The following ERICH6B variants were observed in gnomAD, a reference collection of about 807,000 sequenced individuals.
ERICH6B encodes glutamate-rich protein 6B.
In ERICH6B, 69 loss-of-function variants were observed where a neutral mutation model predicts 80.0. That is an observed-to-expected ratio of 0.86 (90% CI 0.71 to 1.05). ERICH6B has a LOEUF of 1.05. Ranked by LOEUF, ERICH6B falls within the 50% of genes least tolerant of loss-of-function variation. The pLI is 0.00. For missense variants in ERICH6B, 754 were observed against 796.1 expected (o/e 0.95, Z 0.64); for synonymous variants, 283 against 291.9 (o/e 0.97, Z 0.31).
chr13:45,578,442 G>A (rs1875515811), intron 7 of ERICH6B, among the ~76,000 whole-genome samples: 2 of 152,188 alleles, frequency 1.3e-5, no homozygotes, highest in African/African-American at 4.8e-5. Flanking sequence ...CTCTTACTGT[G>A]CTTTAACAAA....
At chr13:45,542,833 G>A (rs554102702) in intron 14 of ERICH6B, among the ~76,000 whole-genome samples, 2 of 152,354 alleles carry the variant, frequency 1.3e-5, no homozygotes, top group East Asian at 1.9e-4. Context: ...GGGGTCAGCA[G>A]GCCAGGCCTG....
At chr13:45,550,193 A>G (rs1293232883) in intron 12 of ERICH6B, 38 bp downstream of exon 12, 2 of 1,543,404 alleles carry the variant, frequency 1.3e-6, no homozygotes, top group Non-Finnish European at 8.8e-7. Flanking sequence ...AGGTGCCAAT[A>G]TATGTCAATA....
At chr13:45,556,345 C>T (rs904762597) in intron 11 of ERICH6B, among the ~76,000 whole-genome samples, 1 of 152,164 alleles carries the variant, frequency 6.6e-6, no homozygotes, top group African/African-American at 2.4e-5. Flanking sequence ...TAAATTCCCA[C>T]CTTAATGCCT....
chr13:45,605,669 C>A (rs1220334791), intron 2 of ERICH6B, among the ~76,000 whole-genome samples: 1 of 152,172 alleles, frequency 6.6e-6, no homozygotes, highest in African/African-American at 2.4e-5. Context: ...CCTCAGGGAA[C>A]CTTCTTAGGG....
chr13:45,579,868 C>A (rs970621720), intron 7 of ERICH6B, 65 bp downstream of exon 7: 14 of 1,507,694 alleles, frequency 9.3e-6, no homozygotes, highest in East Asian at 2.5e-5. Context: ...GCTAGGGGCA[C>A]CTTCCCCACC....
At chr13:45,589,270 T>A (rs1288071334) in intron 4 of ERICH6B, among the ~76,000 whole-genome samples, 2 of 152,042 alleles carry the variant, frequency 1.3e-5, no homozygotes, top group Non-Finnish European at 2.9e-5. Flanking sequence ...CCCCAGGGCC[T>A]CTCTGATCCT....
chr13:45,597,049 C>A lies in ERICH6B; in HGVS notation c.-44G>T. ...GGTGAACTCCTTCTGCAGCAGCCAA[C>A]GTCACTTTATTATCCTGTATCCAAG... On this transcript the variant is annotated 5_prime_UTR_variant, in exon 3 of 15. Coordinates refer to ENST00000298738, the MANE Select transcript of ERICH6B (RefSeq NM_182542.3). The A allele has an allele frequency of 2.7e-6, 4 of 1,494,246 alleles. No individual in the cohort carries two copies. Among genetic ancestry groups the A allele is most frequent in the Non-Finnish European group, 3.6e-6 (4 of 1,119,280 alleles). 92.6% of individuals were successfully genotyped at this position (1,494,246 alleles called of 1,614,324 possible). A position where few individuals can be genotyped will look rare whatever the true frequency, so the allele number is the denominator to read the frequency against.
intron 7 of ERICH6B, among the ~76,000 whole-genome samples, chr13:45,575,595 A>C (rs1875367016): frequency 6.6e-6 from 1 of 152,186 alleles, no homozygotes; most frequent in South Asian, 2.1e-4. Context: ...TCTGTCTTCC[A>C]CCAGGCTTGT....
chr13:45,546,964 A>G (rs906245974), intron 13 of ERICH6B, among the ~76,000 whole-genome samples: 2 of 152,170 alleles, frequency 1.3e-5, no homozygotes, highest in African/African-American at 4.8e-5. Context: ...GTCCAACCTC[A>G]TTCCTCCTTC....
intron 5 of ERICH6B, among the ~76,000 whole-genome samples, chr13:45,584,030 T>C (rs1236478998): frequency 2.6e-5 from 4 of 152,238 alleles, no homozygotes; most frequent in Admixed American, 1.3e-4. Context: ...TGGTTTTTTG[T>C]AGTAGGATAT....
chr13:45,593,153 T>C (rs1876223895), intron 3 of ERICH6B, among the ~76,000 whole-genome samples: 1 of 152,182 alleles, frequency 6.6e-6, no homozygotes, highest in African/African-American at 2.4e-5. Flanking sequence ...GATTTCCCCA[T>C]AAACTTTGGG....
chr13:45,592,513 T>C (rs2138017072), intron 3 of ERICH6B, among the ~76,000 whole-genome samples: 1 of 152,330 alleles, frequency 6.6e-6, no homozygotes, highest in East Asian at 1.9e-4. Flanking sequence ...AATTACAGCA[T>C]TTAGGCCAGA....
At chr13:45,556,913 C>A (rs963598145) in intron 11 of ERICH6B, among the ~76,000 whole-genome samples, 1 of 152,094 alleles carries the variant, frequency 6.6e-6, no homozygotes, top group African/African-American at 2.4e-5. Flanking sequence ...GCAAGTATAT[C>A]CATTTTGTAT....
intron 5 of ERICH6B, among the ~76,000 whole-genome samples, chr13:45,582,987 A>C (rs1330551567): frequency 6.6e-6 from 1 of 152,196 alleles, no homozygotes; most frequent in African/African-American, 2.4e-5. Context: ...CCAACTTCCC[A>C]CAATTCCTCA....
rs571387325 is a variant in ERICH6B, at chr13:45,557,104, T to C, written c.1407+4265A>G. On this transcript the variant is annotated intron_variant, in intron 11 of 14. Transcript: ENST00000298738. ...ACCGCATCCACACCAACATCTATTA[T>C]TTTTTGATTTTTTGATTATGGCCCA... Among the ~76,000 whole-genome samples the C allele has an allele frequency of 1.4e-4, 21 of 152,308 alleles. 1 individual carries two copies. In the South Asian group the frequency reaches 4.4e-3, roughly 32 times the overall value.
At chr13:45,568,234 G>T in intron 9 of ERICH6B, 81 bp downstream of exon 9, 3 of 1,389,458 alleles carry the variant, frequency 2.2e-6, no homozygotes, top group Admixed American at 6.3e-5. Context: ...TTTGTTGATG[G>T]CTCAGTTTAC....
chr13:45,575,023 GTA>G, intron 7 of ERICH6B, 93 bp from the exon 8 acceptor site: 1 of 806,774 alleles, frequency 1.2e-6, no homozygotes, highest in Non-Finnish European at 2.0e-6. Flanking sequence ...TAGATTGATG[GTA>G]TTTACCTTTG....
intron 5 of ERICH6B, among the ~76,000 whole-genome samples, chr13:45,582,751 C>T (rs1376007860): frequency 2.0e-5 from 3 of 152,174 alleles, no homozygotes; most frequent in Admixed American, 1.3e-4. Flanking sequence ...GTAGCACCCA[C>T]CTAATATATC....
intron 2 of ERICH6B, among the ~76,000 whole-genome samples, chr13:45,602,535 C>T (rs571732893): frequency 6.6e-6 from 1 of 152,292 alleles, no homozygotes; most frequent in East Asian, 1.9e-4. Flanking sequence ...TTCTACATGA[C>T]AGCCTTTTAA....
Sources: allele counts gnomAD v4.1 joint callset (sites outside exome capture counted in the v4.1 genomes callset), GRCh38; gene constraint gnomAD v4.1.1; transcripts MANE v1.5; gene names NCBI Gene and HGNC (gene_info 2026-07-23, HGNC 2026-07-21).